The following TMPRSS4 variants were observed in gnomAD, a reference collection of about 807,000 sequenced individuals.
The protein encoded by TMPRSS4 is transmembrane serine protease 4.
A neutral mutation model predicts 56.4 loss-of-function variants in TMPRSS4; 45 were observed. That is an observed-to-expected ratio of 0.80 (90% CI 0.63 to 1.02). The LOEUF (loss-of-function observed/expected upper bound fraction) is 1.02. Among genes scored for constraint, TMPRSS4 ranks in the 50% least tolerant of loss-of-function variants. The probability of loss-of-function intolerance (pLI) is 0.00; values close to 1 mark genes in which losing one functional copy is unlikely to be tolerated. For missense variants in TMPRSS4, 546 were observed against 556.7 expected (o/e 0.98, Z 0.19); for synonymous variants, 205 against 211.0 (o/e 0.97, Z 0.25).
chr11:118,118,706 G>T lies in TMPRSS4; in HGVS notation c.*793G>T, dbSNP rs75891388. On this transcript the variant is annotated 3_prime_UTR_variant, in exon 13 of 13. Transcript: ENST00000437212. ...TGCCTCTTTCCCTCCCTCCCTGCCTGTGATAATCAGCCAGGAGCCAGGGAT... is the reference window on the plus strand; with the variant it reads ...TGCCTCTTTCCCTCCCTCCCTGCCTTTGATAATCAGCCAGGAGCCAGGGAT... The T allele has an allele frequency of 1.2e-3, 1,191 of 960,732 alleles. 9 individuals carry two copies. The African/African-American group carries it at 0.021, about 17-fold the overall frequency. 59.5% of individuals were successfully genotyped at this position (960,732 alleles called of 1,614,324 possible).
chr11:118,112,379 C>CTTTTTTTTTTTTTT, intron 8 of TMPRSS4, among the ~76,000 whole-genome samples: 1 of 45,674 alleles, frequency 2.2e-5, no homozygotes, highest in South Asian at 1.4e-3. Context: ...ACCCCCTTCA[C>CTTTTTTTTTTTTTT]TTTTTTTTTT....
At chr11:118,099,317 C>T in intron 3 of TMPRSS4, 1 of 454,868 alleles carries the variant, frequency 2.2e-6, no homozygotes, top group Non-Finnish European at 4.0e-6. Context: ...TGTCCTTCAC[C>T]CCCTCAGTAA....
chr11:118,087,115 C>G (rs1159319445), intron 1 of TMPRSS4, among the ~76,000 whole-genome samples: 1 of 152,170 alleles, frequency 6.6e-6, no homozygotes, highest in East Asian at 1.9e-4. Flanking sequence ...ATCTCTGGCT[C>G]TAGGTTTTCC....
chr11:118,114,601 G>C (rs1489123159), intron 9 of TMPRSS4, among the ~76,000 whole-genome samples: 1 of 152,162 alleles, frequency 6.6e-6, no homozygotes, highest in Non-Finnish European at 1.5e-5. Context: ...TATTGGCTTG[G>C]TGTCTGAGAG....
intron 1 of TMPRSS4, among the ~76,000 whole-genome samples, chr11:118,078,575 A>G (rs1278097121): frequency 6.6e-6 from 1 of 152,148 alleles, no homozygotes; most frequent in Non-Finnish European, 1.5e-5. Context: ...AGGCGCCCCA[A>G]AGTTTGGCCT....
At chr11:118,102,168 C>T (rs1268275504) in intron 3 of TMPRSS4, among the ~76,000 whole-genome samples, 2 of 152,060 alleles carry the variant, frequency 1.3e-5, no homozygotes, top group South Asian at 2.1e-4. Context: ...CCCGCCTCCC[C>T]CCGACAGGCC....
Position 118,115,129 on chromosome 11 carries a change from C to T in TMPRSS4, c.1010-9C>T. ...AAGGATGGGAATGTGAGTGTTTTTA[C>T]CCTCCCAGGGAAGATGTCTGACATA... On this transcript the variant is annotated splice_polypyrimidine_tract_variant and intron_variant, in intron 10 of 12. Coordinates refer to ENST00000437212, the MANE Select transcript of TMPRSS4 (RefSeq NM_019894.4). The T allele has an allele frequency of 1.9e-6, 3 of 1,607,558 alleles. No homozygotes were observed. Among genetic ancestry groups the T allele is most frequent in the Middle Eastern group, 1.7e-4 (1 of 6,056 alleles).
Position 118,115,260 on chromosome 11 carries a change from G to C in TMPRSS4, c.1132G>C (p.Gly378Arg), listed in dbSNP as rs1323938562. ...EKMMCAGIPEGGVDTCQGDSG... is the reference protein window; with the variant it reads ...EKMMCAGIPERGVDTCQGDSG... The stretch of plus-strand genomic sequence containing the variant: ...GATGATGTGTGCAGGCATCCCGGAA[G>C]GGGGTGTGGACACCTGCCAGGTGGG... The change falls in exon 11 of 13, where the codon GGG becomes CGG. Residue 378 changes from glycine (G) to arginine (R), a missense_variant. Physicochemically the swap from Gly to Arg is moderately radical, Grantham distance 125. Transcript: ENST00000437212. 6.2e-7 allele frequency: 1 copy of C among 1,612,822 alleles called. No homozygotes were observed. The highest frequency in any genetic ancestry group is 8.5e-7 in the Non-Finnish European group (1 of 1,179,874).
At chr11:118,108,934 C>A (rs1228674774) in intron 7 of TMPRSS4, 38 bp downstream of exon 7, 11 of 1,607,342 alleles carry the variant, frequency 6.8e-6, no homozygotes, top group Non-Finnish European at 9.4e-6. Context: ...GGGGCCTGGG[C>A]CAGCAATGAG....
At chr11:118,094,706 C>T (rs45499491) in intron 1 of TMPRSS4, 110 bp from the exon 2 acceptor site, 84,923 of 940,866 alleles carry the variant, frequency 0.09, 4,657 homozygotes, top group Non-Finnish European at 0.11. Context: ...AGACCCCCAA[C>T]GTAGACTCAG....
At chr11:118,098,373 C>A (rs957431581) in intron 2 of TMPRSS4, among the ~76,000 whole-genome samples, 1 of 152,214 alleles carries the variant, frequency 6.6e-6, no homozygotes, top group Non-Finnish European at 1.5e-5. Flanking sequence ...GAAGATGTCT[C>A]TATTATAACA....
chr11:118,119,291 C>A lies in TMPRSS4; in HGVS notation c.*1378C>A, dbSNP rs2135477294. The A allele has an allele frequency of 3.0e-6, 3 of 985,378 alleles. No individual in the cohort carries two copies. The highest frequency in any genetic ancestry group is 1.1e-4 in the East Asian group (1 of 8,822). 61.0% of individuals were successfully genotyped at this position (985,378 alleles called of 1,614,324 possible). On this transcript the variant is annotated 3_prime_UTR_variant, in exon 13 of 13. Coordinates refer to ENST00000437212, the MANE Select transcript of TMPRSS4 (RefSeq NM_019894.4). ...CCTGGACACACTGAAGACAAGGGAG[C>A]TGAACCAGGGCTCCTACATGAAGCA...
chr11:118,103,469 C>A (rs1946837259), intron 4 of TMPRSS4, among the ~76,000 whole-genome samples: 1 of 152,180 alleles, frequency 6.6e-6, no homozygotes, highest in Non-Finnish European at 1.5e-5. Context: ...GCAACCTCTG[C>A]CTCCCAGTTT....
At chr11:118,113,580 C>T (rs902593514) in intron 9 of TMPRSS4, 145 bp downstream of exon 9, 2 of 873,886 alleles carry the variant, frequency 2.3e-6, no homozygotes, top group Non-Finnish European at 3.5e-6. Flanking sequence ...GTCAGCCTAA[C>T]ATCACTGATG....
intron 1 of TMPRSS4, among the ~76,000 whole-genome samples, chr11:118,083,910 C>T (rs1470529638): frequency 6.6e-6 from 1 of 151,882 alleles, no homozygotes; most frequent in African/African-American, 2.4e-5. Context: ...TGGTGGCAGA[C>T]GCCTGTAATC....
chr11:118,115,383 CAT>C, intron 11 of TMPRSS4, 103 bp downstream of exon 11: 1 of 1,384,296 alleles, frequency 7.2e-7, no homozygotes, highest in Non-Finnish European at 9.8e-7. Flanking sequence ...CCTTGCATAT[CAT>C]GGGCACTCAA....
At chr11:118,105,416 T>C (rs1946939351) in intron 5 of TMPRSS4, among the ~76,000 whole-genome samples, 1 of 151,848 alleles carries the variant, frequency 6.6e-6, no homozygotes, top group South Asian at 2.1e-4. Context: ...AAAAGATAGT[T>C]ATTATATCTT....
Position 118,104,692 on chromosome 11 carries a change from C to A in TMPRSS4, c.312C>A (p.Val104=). ...KSFPEGPAVA[V]RLSKDRSTLQ... ...TAACTCAGGTTCCTTTCCTCCCAGT[C>A]CGCCTCTCCAAGGACCGATCCACAC... is the stretch of plus-strand genomic sequence containing the variant. Residue 104 remains valine, a splice_region_variant and synonymous_variant, in exon 5 of 13, where the codon GTC becomes GTA. Coordinates refer to ENST00000437212, the MANE Select transcript of TMPRSS4 (RefSeq NM_019894.4). 6.2e-7 allele frequency: 1 copy of A among 1,613,770 alleles called. No individual in the cohort carries two copies. The highest frequency in any genetic ancestry group is 8.5e-7 in the Non-Finnish European group (1 of 1,179,946).
chr11:118,093,433 T>C (rs1565418498), intron 1 of TMPRSS4, among the ~76,000 whole-genome samples: 1 of 152,174 alleles, frequency 6.6e-6, no homozygotes, highest in Non-Finnish European at 1.5e-5. Context: ...ACCACAGGGT[T>C]CAGAGGGCAT....
Sources: gnomAD v4.1 joint callset for allele counts (sites outside exome capture counted in the v4.1 genomes callset) on GRCh38, gnomAD v4.1.1 for gene constraint, MANE v1.5 for transcripts, NCBI Gene and HGNC (gene_info 2026-07-23, HGNC 2026-07-21) for gene names.